Variants in PRKG1 observed in about 807,000 individuals in gnomAD.
The protein encoded by PRKG1 is protein kinase cGMP-dependent 1, also known as cGMP-dependent protein kinase 1.
A neutral mutation model predicts 88.1 loss-of-function variants in PRKG1; 35 were observed. That is an observed-to-expected ratio of 0.40 (90% CI 0.30 to 0.53). The LOEUF (loss-of-function observed/expected upper bound fraction) is 0.53, where lower values mean the gene tolerates loss of function less well. Among genes scored for constraint, PRKG1 ranks in the 20% least tolerant of loss-of-function variants. The pLI, the probability that PRKG1 is intolerant of heterozygous loss-of-function variation, is 0.59. For missense variants in PRKG1, 540 were observed against 839.8 expected, an observed-to-expected ratio of 0.64 and a Z score of 4.41; for synonymous variants, 303 against 292.5, an observed-to-expected ratio of 1.04 and a Z score of -0.37.
chr10:52,074,208 G>A (rs535109358), intron 7 of PRKG1, among the ~76,000 whole-genome samples: 1 of 152,112 alleles, frequency 6.6e-6, no homozygotes, highest in Non-Finnish European at 1.5e-5. Context: ...TGGGAAATTG[G>A]TTTTTTAGAA....
chr10:52,262,852 A>G (rs991371992), intron 10 of PRKG1, among the ~76,000 whole-genome samples: 2 of 152,094 alleles, frequency 1.3e-5, no homozygotes, highest in Non-Finnish European at 2.9e-5. Context: ...ACCTAATACA[A>G]TGCAAATGTT....
rs971381900 is a variant in PRKG1, at chr10:51,380,715, G to A, written c.479-87008G>A. Reference sequence around the variant, plus strand: ...TCATGCACCTAAAAGGTCACAATAAGTGAACAGAATGTAGAGGAGGGGTCA... The same window carrying A: ...TCATGCACCTAAAAGGTCACAATAAATGAACAGAATGTAGAGGAGGGGTCA... On this transcript the variant is annotated intron_variant, in intron 2 of 17. Coordinates refer to ENST00000373980, the MANE Select transcript of PRKG1 (RefSeq NM_006258.4). 2.0e-5 allele frequency among the ~76,000 whole-genome samples: 3 copies of A among 152,164 alleles called. No individual in the cohort carries two copies. The East Asian group carries it at 5.8e-4, about 29-fold the overall frequency.
chr10:51,141,060 CCA>C (rs1845808942), intron 1 of PRKG1, among the ~76,000 whole-genome samples: 1 of 152,154 alleles, frequency 6.6e-6, no homozygotes, highest in Non-Finnish European at 1.5e-5. Flanking sequence ...TCTCTCTAGA[CCA>C]CAGTTTTGCT....
intron 1 of PRKG1, among the ~76,000 whole-genome samples, chr10:51,116,089 A>T (rs7096759): frequency 0.8 from 120,621 of 151,462 alleles, 48,597 homozygotes; most frequent in South Asian, 0.88. Flanking sequence ...TTTTTTCTCA[A>T]CTCTGCCAGT....
chr10:52,166,357 A>T (rs1838435153), intron 9 of PRKG1, among the ~76,000 whole-genome samples: 1 of 152,086 alleles, frequency 6.6e-6, no homozygotes, highest in African/African-American at 2.4e-5. Context: ...TATGTAATTG[A>T]ATGAATACTT....
chr10:51,686,856 C>T (rs570096919), intron 3 of PRKG1, among the ~76,000 whole-genome samples: 19 of 152,172 alleles, frequency 1.2e-4, no homozygotes, highest in Admixed American at 3.9e-4. Context: ...CTGCCTCAGC[C>T]TCCCAAGTAG....
chr10:51,919,501 A>T (rs1842416608), intron 5 of PRKG1, among the ~76,000 whole-genome samples: 1 of 151,838 alleles, frequency 6.6e-6, no homozygotes, highest in Non-Finnish European at 1.5e-5. Flanking sequence ...TTTGTCTTGT[A>T]AATAGACCTG....
intron 5 of PRKG1, among the ~76,000 whole-genome samples, chr10:51,979,281 C>T (rs1389231849): frequency 1.3e-5 from 2 of 151,936 alleles, no homozygotes; most frequent in African/African-American, 4.8e-5. Context: ...ATATGTTGAA[C>T]CAACCTTGAA....
At chr10:52,290,183 C>A in intron 16 of PRKG1, 41 bp from the exon 17 acceptor site, 1 of 1,567,930 alleles carries the variant, frequency 6.4e-7, no homozygotes. Flanking sequence ...AAGCTTTTAG[C>A]TGACACAAAA....
At chr10:51,974,581 C>A (rs1843782879) in intron 5 of PRKG1, among the ~76,000 whole-genome samples, 1 of 151,956 alleles carries the variant, frequency 6.6e-6, no homozygotes, top group Non-Finnish European at 1.5e-5. Flanking sequence ...AATATTCCCT[C>A]TCTTTCATAT....
intron 14 of PRKG1, among the ~76,000 whole-genome samples, chr10:52,285,966 C>T (rs1364787178): frequency 6.6e-6 from 1 of 151,920 alleles, no homozygotes; most frequent in African/African-American, 2.4e-5. Context: ...ATAGAAAACA[C>T]ATCAATTATG....
At chr10:52,021,140 A>G (rs1845173701) in intron 5 of PRKG1, among the ~76,000 whole-genome samples, 2 of 152,340 alleles carry the variant, frequency 1.3e-5, no homozygotes, top group East Asian at 1.9e-4. Flanking sequence ...GTTCATCAGA[A>G]TGATCTACAA....
At chr10:51,719,633 A>G (rs531924529) in intron 3 of PRKG1, among the ~76,000 whole-genome samples, 9 of 152,334 alleles carry the variant, frequency 5.9e-5, no homozygotes, top group Admixed American at 1.3e-4. Flanking sequence ...TAGTGGAAAA[A>G]CAGTGAAATC....
At chr10:51,880,165 T>C (rs1052856529) in intron 4 of PRKG1, among the ~76,000 whole-genome samples, 7 of 152,172 alleles carry the variant, frequency 4.6e-5, no homozygotes, top group African/African-American at 1.7e-4. Context: ...GTTTAAATTA[T>C]GGTTTACATT....
At chr10:51,461,920 C>T (rs898712680) in intron 2 of PRKG1, among the ~76,000 whole-genome samples, 4 of 152,140 alleles carry the variant, frequency 2.6e-5, no homozygotes, top group Admixed American at 2.6e-4. Flanking sequence ...TAAAATGACC[C>T]TGCAAGGCAA....
chr10:52,267,643 G>GTA (rs1431742712), intron 10 of PRKG1, among the ~76,000 whole-genome samples: 3 of 151,868 alleles, frequency 2.0e-5, no homozygotes, highest in South Asian at 2.1e-4. Context: ...AGATGTGTGT[G>GTA]TATATATATA....
At chr10:51,648,389 A>G (rs2132309031) in intron 3 of PRKG1, among the ~76,000 whole-genome samples, 1 of 152,322 alleles carries the variant, frequency 6.6e-6, no homozygotes, top group South Asian at 2.1e-4. Context: ...GAATCATATG[A>G]CACTGTATAT....
At chr10:51,545,714 C>A (rs1288353053) in intron 3 of PRKG1, among the ~76,000 whole-genome samples, 6 of 152,058 alleles carry the variant, frequency 3.9e-5, no homozygotes, top group Non-Finnish European at 2.9e-5. Flanking sequence ...AGTGTATGTA[C>A]AAATGAGTTT....
chr10:51,879,342 A>G (rs1245757202), intron 4 of PRKG1, among the ~76,000 whole-genome samples: 1 of 152,170 alleles, frequency 6.6e-6, no homozygotes, highest in African/African-American at 2.4e-5. Context: ...GGCCCATTTC[A>G]TTTGAGTCAC....
Sources: gnomAD v4.1 joint callset for allele counts (sites outside exome capture counted in the v4.1 genomes callset) on GRCh38, gnomAD v4.1.1 for gene constraint, MANE v1.5 for transcripts, NCBI Gene and HGNC (gene_info 2026-07-23, HGNC 2026-07-21) for gene names.